Variants in ACP6 observed in about 807,000 individuals in gnomAD.
The protein encoded by ACP6 is lysophosphatidic acid phosphatase type 6.
ACP6 carries 48 observed loss-of-function variants against 48.1 expected under a neutral mutation model. The observed-to-expected ratio is 1.00, with a 90% CI of 0.79 to 1.27. ACP6 has a LOEUF of 1.27. Among genes scored for constraint, ACP6 ranks in the 50% most tolerant of loss-of-function variants. ACP6 has a pLI of 0.00. For missense variants in ACP6, 485 were observed against 529.1 expected (o/e 0.92, Z 0.82); for synonymous variants, 172 against 204.2 (o/e 0.84, Z 1.34).
intron 5 of ACP6, among the ~76,000 whole-genome samples, chr1:147,632,194 AACACACACACAC>A (rs71584653): frequency 6.9e-6 from 1 of 145,930 alleles, no homozygotes; most frequent in Non-Finnish European, 1.5e-5. Flanking sequence ...ACCTATGCCC[AACACACACACAC>A]ACACACACAC....
In ACP6 at chr1:147,647,383, C is replaced by T; in HGVS notation, c.*40G>A. The T allele has an allele frequency of 6.2e-7, 1 of 1,611,256 alleles. No individual in the cohort carries two copies. The highest frequency in any genetic ancestry group is 8.5e-7 in the Non-Finnish European group (1 of 1,178,868). On this transcript the variant is annotated 3_prime_UTR_variant, in exon 10 of 10. Transcript: ENST00000583509. ...AAGCAGGAGGCATTGTATAAAGGCA[C>T]TTTATTTTAAAATCAACACATCCTG...
At chr1:147,635,745 T>C (rs1412643600) in intron 5 of ACP6, among the ~76,000 whole-genome samples, 1 of 152,154 alleles carries the variant, frequency 6.6e-6, no homozygotes, top group Non-Finnish European at 1.5e-5. Flanking sequence ...TATTTCTCTA[T>C]GGGAGTGAGA....
intron 5 of ACP6, 99 bp downstream of exon 5, chr1:147,655,062 G>T: frequency 1.1e-6 from 1 of 940,232 alleles, no homozygotes; most frequent in South Asian, 1.4e-5. Context: ...TTCGCCAGTA[G>T]GGTAAGCCTG....
At chr1:147,647,816 C>T in intron 9 of ACP6, 1 of 574,556 alleles carries the variant, frequency 1.7e-6, no homozygotes, top group South Asian at 2.3e-5. Flanking sequence ...CTGGGAGAAC[C>T]AACAGGCTCA....
At chr1:147,663,893 C>G (rs1660668251) in intron 1 of ACP6, among the ~76,000 whole-genome samples, 1 of 137,042 alleles carries the variant, frequency 7.3e-6, no homozygotes, top group African/African-American at 2.8e-5. Flanking sequence ...TCTTTTAAAT[C>G]TGAATTCCTA....
chr1:147,665,130 T>G (rs1464481169), intron 1 of ACP6, among the ~76,000 whole-genome samples: 3 of 152,176 alleles, frequency 2.0e-5, no homozygotes, highest in Non-Finnish European at 4.4e-5. Context: ...AACTCGAATT[T>G]CTCTAGTTGA....
Position 147,645,071 on chromosome 1 carries a change from A to C in ACP6, c.*2352T>G, listed in dbSNP as rs1659572958. The stretch of plus-strand genomic sequence containing the variant: ...TGGCTCAGCACAACCTCTGCCTCCT[A>C]GGTTGAAGTGATTCTCCTGCCTCAG... On this transcript the variant is annotated 3_prime_UTR_variant, in exon 10 of 10. Coordinates refer to ENST00000583509, the MANE Select transcript of ACP6 (RefSeq NM_016361.5). 1 of 149,566 alleles carries C rather than the reference A, an allele frequency of 6.7e-6. No individual in the cohort carries two copies. Among genetic ancestry groups the C allele is most frequent in the Non-Finnish European group, 1.5e-5 (1 of 67,714 alleles). 9.3% of individuals were successfully genotyped at this position (149,566 alleles called of 1,614,324 possible). A position where few individuals can be genotyped will look rare whatever the true frequency, so the allele number is the denominator to read the frequency against.
Position 147,661,123 on chromosome 1 carries a change from T to C in ACP6, c.220-1348A>G, listed in dbSNP as rs190377690. Among the ~76,000 whole-genome samples, 10 of 152,298 alleles carry C rather than the reference T, an allele frequency of 6.6e-5. No homozygotes were observed. In the East Asian group the frequency reaches 1.9e-3, roughly 29 times the overall value. ...ATTACTATTAAATCTGTCAAGGTGA[T>C]CTATGATTTATGATTTGTTTTTCTT... On this transcript the variant is annotated intron_variant, in intron 1 of 9. Coordinates refer to ENST00000583509, the MANE Select transcript of ACP6 (RefSeq NM_016361.5).
intron 5 of ACP6, among the ~76,000 whole-genome samples, chr1:147,635,877 T>C (rs587702133): frequency 2.0e-5 from 3 of 152,246 alleles, no homozygotes; most frequent in East Asian, 3.9e-4. Context: ...ACAGAAATGA[T>C]CTAGCCCACC....
At position 147,644,317 on chromosome 1, in the gene ACP6, A is replaced by G. The variant is rs1553209176; in HGVS notation, c.*3106T>C. 1 of 152,236 alleles carries G rather than the reference A, an allele frequency of 6.6e-6. No homozygotes were observed. The highest frequency in any genetic ancestry group is 1.5e-5 in the Non-Finnish European group (1 of 68,044). The allele number at this position is 152,236 out of a possible 1,614,324, so 9.4% of individuals were successfully genotyped here. The stretch of plus-strand genomic sequence containing the variant: ...TATCTGTCAACTAAAAAGAAAGTAA[A>G]AAGTTTTTATTACAAAAAAGAAGAA... On this transcript the variant is annotated 3_prime_UTR_variant, in exon 10 of 10. Coordinates refer to ENST00000583509, the MANE Select transcript of ACP6 (RefSeq NM_016361.5).
chr1:147,655,087 A>G, intron 5 of ACP6, 74 bp downstream of exon 5: 14 of 1,268,484 alleles, frequency 1.1e-5, no homozygotes, highest in Non-Finnish European at 1.3e-5. Context: ...GGCCCTCAGT[A>G]TAGACAGAGT....
intron 1 of ACP6, among the ~76,000 whole-genome samples, chr1:147,661,449 A>G (rs1660541767): frequency 6.6e-6 from 1 of 152,174 alleles, no homozygotes; most frequent in Non-Finnish European, 1.5e-5. Context: ...AACTTAATCA[A>G]TAAATGTTGT....
In ACP6 at chr1:147,645,750, C is replaced by G. The variant is rs1266204763; in HGVS notation, c.*1673G>C. 1 of 152,126 alleles carries G rather than the reference C, an allele frequency of 6.6e-6. No homozygotes were observed. Among genetic ancestry groups the G allele is most frequent in the African/African-American group, 2.4e-5 (1 of 41,410 alleles). The allele number at this position is 152,126 out of a possible 1,614,324, so 9.4% of individuals were successfully genotyped here. On this transcript the variant is annotated 3_prime_UTR_variant, in exon 10 of 10. Transcript: ENST00000583509. Reference sequence around the variant, plus strand: ...GGAAGGGAAGAATTAGAGGTAGCAACTCTTTTGAGGAGTTCTGCTATGAAG... The same window carrying G: ...GGAAGGGAAGAATTAGAGGTAGCAAGTCTTTTGAGGAGTTCTGCTATGAAG...
intron 9 of ACP6, chr1:147,647,790 G>T (rs1247175264): frequency 1.6e-6 from 1 of 627,734 alleles, no homozygotes; most frequent in African/African-American, 1.8e-5. Flanking sequence ...AGAAAGAGTC[G>T]AGTTACATCC....
rs372939247 is a variant in ACP6 at position 147,643,273 on chromosome 1, A to G, written c.*4150T>C. The G allele has an allele frequency of 6.6e-6, 1 of 152,200 alleles. No individual in the cohort carries two copies. The highest frequency in any genetic ancestry group is 2.4e-5 in the African/African-American group (1 of 41,446). The allele number at this position is 152,200 out of a possible 1,614,324, so 9.4% of individuals were successfully genotyped here. Reference sequence around the variant, plus strand: ...TTACAAGGCAACGATGTTGAACAAAACACAATGTTATTCAAGGACCTGCTA... The same window carrying G: ...TTACAAGGCAACGATGTTGAACAAAGCACAATGTTATTCAAGGACCTGCTA... On this transcript the variant is annotated 3_prime_UTR_variant, in exon 10 of 10. Transcript: ENST00000583509.
downstream of ACP6, chr1:147,642,166 T>C (rs187544862): frequency 1.6e-4 from 25 of 152,268 alleles, no homozygotes; most frequent in Admixed American, 1.3e-3. Context: ...CTTTACTCCA[T>C]GCTTCCCCCT....
chr1:147,642,037 G>C (rs1229192709), downstream of ACP6, among the ~76,000 whole-genome samples: 1 of 152,166 alleles, frequency 6.6e-6, no homozygotes. Flanking sequence ...TAATTAGTAC[G>C]TATCATTATG....
intron 4 of ACP6, among the ~76,000 whole-genome samples, chr1:147,656,853 A>G (rs1660283554): frequency 6.6e-6 from 1 of 152,244 alleles, no homozygotes. Flanking sequence ...AAAGAACAAT[A>G]CAAAATAACA....
intron 5 of ACP6, among the ~76,000 whole-genome samples, chr1:147,636,108 T>G (rs1553207969): frequency 6.6e-6 from 1 of 151,680 alleles, no homozygotes; most frequent in Non-Finnish European, 1.5e-5. Flanking sequence ...TCTCCCAGAG[T>G]GTAGCTGTGG....
Sources: allele counts gnomAD v4.1 joint callset (sites outside exome capture counted in the v4.1 genomes callset), GRCh38; gene constraint gnomAD v4.1.1; transcripts MANE v1.5; gene names NCBI Gene and HGNC (gene_info 2026-07-23, HGNC 2026-07-21).